The following NCOR2 variants were observed in gnomAD, a reference collection of about 807,000 sequenced individuals.
NCOR2 encodes CTG repeat protein 26.
A neutral mutation model predicts 262.9 loss-of-function variants in NCOR2; 81 were observed. The observed-to-expected ratio is 0.31, with a 90% CI of 0.26 to 0.37. The LOEUF (loss-of-function observed/expected upper bound fraction) is 0.37. NCOR2 is among the 10% of genes least tolerant of loss of function. The pLI is 1.00. For synonymous variants in NCOR2, 1,659 were observed against 1,559.3 expected (o/e 1.06, Z -1.51); for missense variants, 3,385 against 3,621.4 (o/e 0.93, Z 1.68).
At chr12:124,496,415 T>C (rs1225254695), upstream of NCOR2, among the ~76,000 whole-genome samples, 1 of 151,522 alleles carries the variant, frequency 6.6e-6, no homozygotes, top group African/African-American at 2.4e-5. The surrounding 1 kb of genome is among the most constrained non-coding windows in gnomAD (Gnocchi z 4.4). Context: ...ACCCCCACAA[T>C]TGCACACACC....
intron 1 of NCOR2, among the ~76,000 whole-genome samples, chr12:124,554,087 C>T (rs905607444): frequency 1.3e-5 from 2 of 152,238 alleles, no homozygotes; most frequent in African/African-American, 4.8e-5. Flanking sequence ...ACAGGGTGAG[C>T]CCTGCCCCAT....
intron 1 of NCOR2, among the ~76,000 whole-genome samples, chr12:124,511,464 G>T (rs866054814): frequency 6.6e-6 from 1 of 152,234 alleles, no homozygotes; most frequent in Non-Finnish European, 1.5e-5. Context: ...GGCTTGCTGG[G>T]GGATGAGTGC....
intron 7 of NCOR2, among the ~76,000 whole-genome samples, chr12:124,438,994 T>G (rs1424599332): frequency 6.9e-3 from 92 of 13,416 alleles, no homozygotes; most frequent in African/African-American, 9.5e-3. Flanking sequence ...GAGAGAGAGA[T>G]GGAGACCCTG....
intron 1 of NCOR2, among the ~76,000 whole-genome samples, chr12:124,494,829 G>A (rs1245987773): frequency 6.6e-6 from 1 of 152,210 alleles, no homozygotes; most frequent in African/African-American, 2.4e-5. Context: ...GGTGAGGCTA[G>A]GCTGCAGGAA....
At chr12:124,343,183 C>A in exon 33 of NCOR2, 1 of 1,609,076 alleles carries the variant, frequency 6.2e-7, no homozygotes, top group Non-Finnish European at 8.5e-7. Context: ...GAGGCGTCGA[C>A]GTCAGCTTTC....
At chr12:124,433,468 C>T (rs550555260) in intron 8 of NCOR2, among the ~76,000 whole-genome samples, 3 of 152,318 alleles carry the variant, frequency 2.0e-5, no homozygotes, top group South Asian at 4.1e-4. Flanking sequence ...TCCACATTGC[C>T]GGCAGGGCGC....
rs5801559 is a variant in NCOR2, at chr12:124,523,636, T to TAAAA, written c.-118+11925_-118+11928dup. Among the ~76,000 whole-genome samples the TAAAA allele has an allele frequency of 1.5e-4, 21 of 138,582 alleles. No homozygotes were observed. Among genetic ancestry groups the TAAAA allele is most frequent in the African/African-American group, 5.5e-4 (20 of 36,072 alleles). 90.9% of individuals were successfully genotyped at this position (138,582 alleles called of 152,430 possible). On this transcript the variant is annotated intron_variant, in intron 1 of 46. Coordinates refer to the NCOR2 transcript ENST00000404621. The surrounding 1 kb of genome is among the most constrained non-coding windows in gnomAD (Gnocchi z 4.0). ...CTAACACTAACCATAGCTGATGAAC[T>TAAAA]AAAAAAAAAAAAAACAAAAAACCGA...
intron 20 of NCOR2, among the ~76,000 whole-genome samples, chr12:124,366,282 G>A (rs2039030301): frequency 6.6e-6 from 1 of 152,162 alleles, no homozygotes; most frequent in Admixed American, 6.5e-5. Flanking sequence ...CTCTGACACG[G>A]GCTATGACGT....
At chr12:124,466,679 C>T (rs975431227) in intron 4 of NCOR2, among the ~76,000 whole-genome samples, 2 of 152,036 alleles carry the variant, frequency 1.3e-5, no homozygotes, top group African/African-American at 4.8e-5. Flanking sequence ...TGCGAGCCGG[C>T]ATTATTACCC....
chr12:124,499,808 A>G (rs960446603), upstream of NCOR2, among the ~76,000 whole-genome samples: 3 of 152,102 alleles, frequency 2.0e-5, no homozygotes, highest in Non-Finnish European at 4.4e-5. Context: ...GTAAAGGGTC[A>G]GTGTTTTACG....
intron 13 of NCOR2, among the ~76,000 whole-genome samples, chr12:124,417,808 C>T (rs1439371226): frequency 1.3e-5 from 2 of 152,132 alleles, no homozygotes; most frequent in African/African-American, 2.4e-5. Flanking sequence ...TGCCTGTAAT[C>T]CCAGCACTTT....
rs141568559 is a variant in NCOR2, at chr12:124,443,485, C to CTTTA, written c.816-5493_816-5490dup. Among the ~76,000 whole-genome samples the CTTTA allele has an allele frequency of 0.1, 15,271 of 151,934 alleles. 941 individuals carry two copies. The highest frequency in any genetic ancestry group is 0.19 in the East Asian group (954 of 5,136). On this transcript the variant is annotated intron_variant, in intron 7 of 46. Coordinates refer to ENST00000405201, the Ensembl canonical transcript of NCOR2. This position sits in a 1 kb window ranked among gnomAD's most constrained non-coding sequence, Gnocchi z 4.4. ...GAGGGTGTTGTGTTGGGCTGTGGTG[C>CTTTA]TTTATTTATTTATTTTTTATTTTTT...
At chr12:124,538,628 G>A (rs117102981), upstream of NCOR2, 7,238 of 152,902 alleles carry the variant, frequency 0.047, 251 homozygotes, top group Middle Eastern at 0.081. Context: ...GCCGTGGAGC[G>A]CGGGTGAGGG....
At chr12:124,520,723 GC>G (rs2050137206) in intron 1 of NCOR2, among the ~76,000 whole-genome samples, 1 of 152,158 alleles carries the variant, frequency 6.6e-6, no homozygotes, top group Admixed American at 6.5e-5. Context: ...TTCAGAATAA[GC>G]CAGTGTCTGG....
chr12:124,457,557 A>G lies in NCOR2; in HGVS notation c.706-395T>C, dbSNP rs2136560815. Among the ~76,000 whole-genome samples, 1 of 152,248 alleles carries G rather than the reference A, an allele frequency of 6.6e-6. No individual in the cohort carries two copies. The highest frequency in any genetic ancestry group is 1.5e-5 in the Non-Finnish European group (1 of 68,010). On this transcript the variant is annotated intron_variant, in intron 5 of 46. Transcript: ENST00000405201. This position sits in a 1 kb window ranked among gnomAD's most constrained non-coding sequence, Gnocchi z 4.0. ...CTGGAAGCTGGTTGGGTTGTCTACA[A>G]TTACCTCAGAGCTAGTGCAGCCAGC...
At chr12:124,405,139 C>T (rs56045702) in intron 13 of NCOR2, among the ~76,000 whole-genome samples, 9,429 of 152,270 alleles carry the variant, frequency 0.062, 380 homozygotes, top group South Asian at 0.16. Flanking sequence ...CTACAAGCCC[C>T]GCCAGGGCCT....
rs767554836 is a variant in NCOR2, at chr12:124,503,921, T to G, written c.-117-8553A>C. Among the ~76,000 whole-genome samples the G allele has an allele frequency of 8.5e-5, 13 of 152,192 alleles. No homozygotes were observed. The highest frequency in any genetic ancestry group is 1.8e-4 in the Non-Finnish European group (12 of 68,018). ...GCTAATATTCCCAGGCCCTCCCACATGCCCAGCTCCATGAGGGACACAGAA... is the reference window on the plus strand; with the variant it reads ...GCTAATATTCCCAGGCCCTCCCACAGGCCCAGCTCCATGAGGGACACAGAA... On this transcript the variant is annotated intron_variant, in intron 1 of 46. Transcript: ENST00000404621. This position sits in a 1 kb window ranked among gnomAD's most constrained non-coding sequence, Gnocchi z 4.3.
chr12:124,399,438 C>T (rs868267659), intron 15 of NCOR2, among the ~76,000 whole-genome samples: 4 of 152,138 alleles, frequency 2.6e-5, no homozygotes, highest in South Asian at 2.1e-4. Context: ...GCCCTTTCAC[C>T]CTGGGCCTCC....
chr12:124,362,380 C>T, intron 21 of NCOR2, 83 bp from the exon 24 acceptor site: 1 of 1,267,954 alleles, frequency 7.9e-7, no homozygotes, highest in Non-Finnish European at 1.0e-6. Context: ...CGCGACCAGC[C>T]TGGAAACCAA....
Sources: allele counts gnomAD v4.1 joint callset (sites outside exome capture counted in the v4.1 genomes callset), GRCh38; gene constraint gnomAD v4.1.1; non-coding constraint Gnocchi (gnomAD v3.1); transcripts MANE v1.5; gene names NCBI Gene and HGNC (gene_info 2026-07-23, HGNC 2026-07-21).